The following GBE1 variants were observed in gnomAD, a reference collection of about 807,000 sequenced individuals.
GBE1 encodes the protein 1,4-alpha-glucan-branching enzyme.
GBE1 carries 70 observed loss-of-function variants against 88.8 expected under a neutral mutation model. The observed-to-expected ratio is 0.79, with a 90% confidence interval of 0.65 to 0.96. The LOEUF is 0.96. GBE1 is among the 40% of genes least tolerant of loss of function. The pLI is 0.00. For missense variants in GBE1, 872 were observed against 871.0 expected (o/e 1.00, Z -0.01); for synonymous variants, 284 against 300.1 (o/e 0.95, Z 0.56).
At chr3:81,554,218 T>C (rs778248334) in intron 12 of GBE1, among the ~76,000 whole-genome samples, 2 of 152,180 alleles carry the variant, frequency 1.3e-5, no homozygotes, top group Non-Finnish European at 2.9e-5. Context: ...AAATTCAAAC[T>C]GAATTCAGAT....
In GBE1 at chr3:81,507,690, G is replaced by GTATA. The variant is rs140994395; in HGVS notation, c.1935-8467_1935-8464dup. Among the ~76,000 whole-genome samples, 18 of 151,060 alleles carry GTATA rather than the reference G, an allele frequency of 1.2e-4. No homozygotes were observed. In the East Asian group the frequency reaches 2.9e-3, roughly 25 times the overall value. On this transcript the variant is annotated intron_variant, in intron 14 of 15. Coordinates refer to ENST00000429644, the MANE Select transcript of GBE1 (RefSeq NM_000158.4). ...TATGTGTGTGTGTATATATATATGT[G>GTATA]TATATATATATATTTGTTGTTATTA...
At chr3:81,643,540 AG>A (rs1704722012) in intron 6 of GBE1, among the ~76,000 whole-genome samples, 1 of 152,162 alleles carries the variant, frequency 6.6e-6, no homozygotes, top group Non-Finnish European at 1.5e-5. Context: ...TTTGTGTCAA[AG>A]GTACCCCCTA....
At chr3:81,760,888 C>CT (rs1248166097) in intron 1 of GBE1, among the ~76,000 whole-genome samples, 1 of 152,238 alleles carries the variant, frequency 6.6e-6, no homozygotes, top group East Asian at 1.9e-4. Flanking sequence ...GATATAGTGT[C>CT]TGCCTGAAGG....
At position 81,743,459 on chromosome 3, in the gene GBE1, T is replaced by C. The variant is rs989874422; in HGVS notation, c.143+17916A>G. ...ACACACATACACCCCCACAATATTA[T>C]CACTAGTTTTAAGTTTTAACAGAGA... is the stretch of plus-strand genomic sequence containing the variant. On this transcript the variant is annotated intron_variant, in intron 1 of 15. Transcript: ENST00000429644. The C allele has an allele frequency of 3.9e-6, 3 of 771,446 alleles. No homozygotes were observed. The African/African-American group carries it at 5.2e-5, about 13-fold the overall frequency. The allele number at this position is 771,446 out of a possible 1,614,324, so 47.8% of individuals were successfully genotyped here. A position where few individuals can be genotyped will look rare whatever the true frequency, so the allele number is the denominator to read the frequency against.
chr3:81,497,799 T>A (rs542685237), intron 15 of GBE1, among the ~76,000 whole-genome samples: 1 of 152,204 alleles, frequency 6.6e-6, no homozygotes, highest in Non-Finnish European at 1.5e-5. Flanking sequence ...GAATCATCTT[T>A]CCTAACCCCT....
At chr3:81,608,234 C>A (rs1349415200) in intron 7 of GBE1, among the ~76,000 whole-genome samples, 6 of 152,192 alleles carry the variant, frequency 3.9e-5, no homozygotes, top group African/African-American at 9.6e-5. Flanking sequence ...ACCCTACCAC[C>A]TCCTCCCCTG....
intron 7 of GBE1, among the ~76,000 whole-genome samples, chr3:81,638,702 C>A (rs529904786): frequency 6.6e-6 from 1 of 152,062 alleles, no homozygotes. Flanking sequence ...ATGGGCAGCT[C>A]CTGATTGGAA....
chr3:81,754,403 A>G (rs528887182), intron 1 of GBE1, among the ~76,000 whole-genome samples: 15 of 152,128 alleles, frequency 9.9e-5, no homozygotes, highest in South Asian at 4.1e-4. Flanking sequence ...TACAGACTCA[A>G]TGCAATCCCT....
At chr3:81,696,420 A>G (rs1705595834) in intron 2 of GBE1, among the ~76,000 whole-genome samples, 3 of 152,250 alleles carry the variant, frequency 2.0e-5, no homozygotes, top group Admixed American at 6.5e-5. Flanking sequence ...ATCATAAGTG[A>G]CAGCTTCTTA....
chr3:81,630,297 T>C (rs891186386), intron 7 of GBE1, among the ~76,000 whole-genome samples: 1 of 152,162 alleles, frequency 6.6e-6, no homozygotes, highest in Non-Finnish European at 1.5e-5. Flanking sequence ...GAACATTCCA[T>C]GCTCATGGGT....
intron 12 of GBE1, among the ~76,000 whole-genome samples, chr3:81,549,969 T>C (rs561451206): frequency 5.3e-5 from 8 of 151,442 alleles, no homozygotes; most frequent in African/African-American, 1.9e-4. Context: ...CTTACTCCTA[T>C]AAACCAACCA....
chr3:81,498,672 T>G (rs1280901737), intron 15 of GBE1, among the ~76,000 whole-genome samples: 1 of 152,172 alleles, frequency 6.6e-6, no homozygotes, highest in Non-Finnish European at 1.5e-5. Context: ...AAAGATACAT[T>G]TTTCATTGAC....
At chr3:81,657,834 T>C (rs1023239986) in intron 3 of GBE1, among the ~76,000 whole-genome samples, 4 of 152,154 alleles carry the variant, frequency 2.6e-5, no homozygotes, top group Non-Finnish European at 5.9e-5. Flanking sequence ...ATAAGACATA[T>C]GCATATAAAA....
intron 6 of GBE1, among the ~76,000 whole-genome samples, chr3:81,643,479 A>G (rs1704720989): frequency 6.6e-6 from 1 of 152,120 alleles, no homozygotes. Context: ...ACAATGTGCC[A>G]CGTTTGTCAC....
At chr3:81,679,106 A>G (rs867643186) in intron 2 of GBE1, among the ~76,000 whole-genome samples, 1 of 152,196 alleles carries the variant, frequency 6.6e-6, no homozygotes, top group Non-Finnish European at 1.5e-5. Flanking sequence ...CTGGGTGAAA[A>G]GAATATAGAA....
At chr3:81,558,901 A>G (rs1023279293) in intron 12 of GBE1, among the ~76,000 whole-genome samples, 3 of 152,136 alleles carry the variant, frequency 2.0e-5, no homozygotes, top group Non-Finnish European at 4.4e-5. Context: ...ATTTAAAAGT[A>G]TCAGCTCTTT....
intron 14 of GBE1, among the ~76,000 whole-genome samples, chr3:81,531,664 G>C (rs920473091): frequency 6.6e-6 from 1 of 151,622 alleles, no homozygotes; most frequent in Non-Finnish European, 1.5e-5. Flanking sequence ...ATCTCTGCTT[G>C]GTGTTTTATT....
intron 2 of GBE1, among the ~76,000 whole-genome samples, chr3:81,688,045 C>T (rs1351981509): frequency 1.3e-5 from 2 of 152,202 alleles, no homozygotes; most frequent in African/African-American, 4.8e-5. Flanking sequence ...CTTTCCTAAG[C>T]ATATCAAAAC....
intron 14 of GBE1, among the ~76,000 whole-genome samples, chr3:81,501,116 A>C (rs894787029): frequency 6.6e-6 from 1 of 152,196 alleles, no homozygotes. Context: ...AGTTAAAAAG[A>C]AAAAAGGAAA....
Sources: allele counts gnomAD v4.1 joint callset (sites outside exome capture counted in the v4.1 genomes callset), GRCh38; gene constraint gnomAD v4.1.1; transcripts MANE v1.5; gene names NCBI Gene and HGNC (gene_info 2026-07-23, HGNC 2026-07-21).